MED13L: variants seen among roughly 807,000 people sequenced by gnomAD.
MED13L encodes the protein mediator of RNA polymerase II transcription subunit 13-like.
Under a neutral mutation model 220.9 loss-of-function variants are expected in MED13L, and 7 were observed. The ratio of observed to expected loss-of-function variants is 0.03; its 90% CI spans 0.02 to 0.06. The LOEUF is 0.06. MED13L is among the 10% of genes least tolerant of loss of function. MED13L has a pLI of 1.00. For synonymous variants in MED13L, 1,011 were observed against 1,015.2 expected, an observed-to-expected ratio of 1.00 and a Z score of 0.08; for missense variants, 1,965 against 2,760.5, an observed-to-expected ratio of 0.71 and a Z score of 6.46.
intron 4 of MED13L, among the ~76,000 whole-genome samples, chr12:116,044,983 T>C (rs1881747442): frequency 6.6e-6 from 1 of 152,046 alleles, no homozygotes; most frequent in Non-Finnish European, 1.5e-5. Context: ...GTATGCAAAC[T>C]GTATATGCAA....
intron 1 of MED13L, among the ~76,000 whole-genome samples, chr12:116,252,944 A>T (rs1871686169): frequency 6.6e-6 from 1 of 152,176 alleles, no homozygotes; most frequent in South Asian, 2.1e-4. Context: ...AGAAACAGAA[A>T]ATCTGAACAA....
At chr12:116,092,838 TG>T (rs1872349148) in intron 4 of MED13L, among the ~76,000 whole-genome samples, 1 of 152,048 alleles carries the variant, frequency 6.6e-6, no homozygotes, top group African/African-American at 2.4e-5. Flanking sequence ...TGAAAACATG[TG>T]ATGCTCTCTG....
intron 4 of MED13L, 112 bp from the exon 5 acceptor site, chr12:116,022,713 G>A: frequency 8.7e-7 from 1 of 1,152,902 alleles, no homozygotes. Context: ...CAGTAAGGCT[G>A]ACTTCTAATT....
chr12:116,136,761 T>G (rs183098803), intron 2 of MED13L, among the ~76,000 whole-genome samples: 1 of 152,300 alleles, frequency 6.6e-6, no homozygotes, highest in East Asian at 1.9e-4. Flanking sequence ...ACCATTTCAG[T>G]TTTATAATCA....
At chr12:116,276,796 G>A in intron 1 of MED13L, 1 of 1,222,176 alleles carries the variant, frequency 8.2e-7, no homozygotes, top group Non-Finnish European at 1.1e-6. Context: ...CCCAGAATCC[G>A]CAGCTCCGAG....
intron 4 of MED13L, among the ~76,000 whole-genome samples, chr12:116,072,906 C>T (rs1317192316): frequency 6.6e-6 from 1 of 152,096 alleles, no homozygotes; most frequent in South Asian, 2.1e-4. Context: ...AAATTAGGTT[C>T]GTTTGTTAAA....
intron 1 of MED13L, among the ~76,000 whole-genome samples, chr12:116,258,386 T>C (rs1421788647): frequency 6.6e-6 from 1 of 152,126 alleles, no homozygotes; most frequent in African/African-American, 2.4e-5. Flanking sequence ...CAGCAAGCAC[T>C]CTTTACAAAC....
At chr12:116,047,399 T>G (rs1025186198) in intron 4 of MED13L, among the ~76,000 whole-genome samples, 5 of 152,124 alleles carry the variant, frequency 3.3e-5, no homozygotes, top group African/African-American at 1.2e-4. Flanking sequence ...TCAAGCTAGC[T>G]GTTGTACAGA....
At chr12:116,107,955 T>C (rs888566530) in intron 3 of MED13L, among the ~76,000 whole-genome samples, 1 of 152,132 alleles carries the variant, frequency 6.6e-6, no homozygotes, top group Admixed American at 6.5e-5. Flanking sequence ...CTGGGCATGG[T>C]GGCACGTGCC....
At chr12:115,985,073 T>C (rs1877595525) in intron 19 of MED13L, among the ~76,000 whole-genome samples, 3 of 152,168 alleles carry the variant, frequency 2.0e-5, no homozygotes, top group African/African-American at 7.2e-5. Flanking sequence ...GTGTATACTC[T>C]TCCTAAGGAG....
chr12:116,115,157 G>A (rs1874401979), intron 2 of MED13L, among the ~76,000 whole-genome samples: 1 of 152,230 alleles, frequency 6.6e-6, no homozygotes, highest in Admixed American at 6.5e-5. Flanking sequence ...CGAGTTCTAG[G>A]TTTAGTATGA....
Position 116,034,121 on chromosome 12 carries a change from T to C in MED13L, c.480-11520A>G, listed in dbSNP as rs192452753. On this transcript the variant is annotated intron_variant, in intron 4 of 30. Coordinates refer to ENST00000281928, the MANE Select transcript of MED13L (RefSeq NM_015335.5). ...TGAAATTACCTTTAAAGCCCCAGAA[T>C]AGACTAAAATGCTCCTACACATCTC... Among the ~76,000 whole-genome samples the C allele has an allele frequency of 3.8e-3, 585 of 152,184 alleles. 4 individuals are homozygous for C. The highest frequency in any genetic ancestry group is 6.9e-3 in the Non-Finnish European group (468 of 68,010).
intron 4 of MED13L, among the ~76,000 whole-genome samples, chr12:116,083,265 A>G (rs2137747171): frequency 6.6e-6 from 1 of 152,076 alleles, no homozygotes; most frequent in African/African-American, 2.4e-5. Flanking sequence ...TTAGCTAGGC[A>G]TGGTGGTACA....
intron 1 of MED13L, among the ~76,000 whole-genome samples, chr12:116,258,819 G>C (rs2138548112): frequency 6.9e-6 from 1 of 145,366 alleles, no homozygotes; most frequent in East Asian, 2.0e-4. Flanking sequence ...TTAAACACTT[G>C]AAAAATAAAC....
chr12:116,264,231 A>G (rs996796973), intron 1 of MED13L, among the ~76,000 whole-genome samples: 1 of 152,230 alleles, frequency 6.6e-6, no homozygotes, highest in Admixed American at 6.5e-5. Flanking sequence ...AAGCAATTCC[A>G]AAGGAAAAGG....
chr12:116,030,280 G>GT (rs576671962), intron 4 of MED13L, among the ~76,000 whole-genome samples: 27 of 149,188 alleles, frequency 1.8e-4, no homozygotes, highest in East Asian at 1.4e-3. Flanking sequence ...GAAATCAACA[G>GT]TTTTTTTTTT....
At chr12:116,194,070 A>T (rs1881456149) in intron 2 of MED13L, among the ~76,000 whole-genome samples, 1 of 152,234 alleles carries the variant, frequency 6.6e-6, no homozygotes, top group African/African-American at 2.4e-5. Flanking sequence ...CAATTTTTAA[A>T]GATGTAGATG....
intron 2 of MED13L, among the ~76,000 whole-genome samples, chr12:116,235,430 G>A (rs544667390): frequency 2.4e-4 from 36 of 152,110 alleles, no homozygotes; most frequent in African/African-American, 7.7e-4. Flanking sequence ...TAGAAAATTA[G>A]AAAAACTGTA....
intron 2 of MED13L, among the ~76,000 whole-genome samples, chr12:116,232,824 C>A (rs890216001): frequency 6.6e-6 from 1 of 152,154 alleles, no homozygotes; most frequent in Non-Finnish European, 1.5e-5. Context: ...CAGTGGCTCA[C>A]GCCTGTAATC....
Sources: gnomAD v4.1 joint callset for allele counts (sites outside exome capture counted in the v4.1 genomes callset) on GRCh38, gnomAD v4.1.1 for gene constraint, MANE v1.5 for transcripts, NCBI Gene and HGNC (gene_info 2026-07-23, HGNC 2026-07-21) for gene names.